GUCY1A2: variants seen among roughly 807,000 people sequenced by gnomAD.
GUCY1A2 encodes the protein guanylate cyclase soluble subunit alpha-2.
A neutral mutation model predicts 63.5 loss-of-function variants in GUCY1A2; 27 were observed. The ratio of observed to expected loss-of-function variants is 0.43; its 90% CI spans 0.31 to 0.59. GUCY1A2 has a LOEUF of 0.59. Among genes scored for constraint, GUCY1A2 ranks in the 20% least tolerant of loss-of-function variants. The pLI, the probability that GUCY1A2 is intolerant of heterozygous loss-of-function variation, is 0.11. For synonymous variants in GUCY1A2, 364 were observed against 343.5 expected (o/e 1.06, Z -0.66); for missense variants, 768 against 913.3 (o/e 0.84, Z 2.05).
At chr11:106,798,391 G>A (rs2135417053) in intron 5 of GUCY1A2, among the ~76,000 whole-genome samples, 1 of 152,154 alleles carries the variant, frequency 6.6e-6, no homozygotes, top group South Asian at 2.1e-4. Flanking sequence ...AGAAAAAGAG[G>A]GAATCCTCCC....
At chr11:106,973,891 G>A (rs1489517645) in intron 3 of GUCY1A2, among the ~76,000 whole-genome samples, 1 of 152,086 alleles carries the variant, frequency 6.6e-6, no homozygotes, top group Non-Finnish European at 1.5e-5. Flanking sequence ...GCTGTTCTAA[G>A]TATGTACTTG....
rs1862378397 is a variant in GUCY1A2, at chr11:106,678,254, A to G, written c.*9295T>C. On this transcript the variant is annotated 3_prime_UTR_variant, in exon 8 of 8. Coordinates refer to ENST00000526355, the MANE Select transcript of GUCY1A2 (RefSeq NM_000855.3). ...TGAGAATACTTTGTAGTCAAAGAAT[A>G]CAAAAGCAATTTATCTGAGAGTCCA... 1 of 202,390 alleles carries G rather than the reference A, an allele frequency of 4.9e-6. No individual in the cohort carries two copies. Among genetic ancestry groups the G allele is most frequent in the African/African-American group, 2.3e-5 (1 of 43,566 alleles). 12.5% of individuals were successfully genotyped at this position (202,390 alleles called of 1,614,324 possible). A position where few individuals can be genotyped will look rare whatever the true frequency, so the allele number is the denominator to read the frequency against.
chr11:106,905,961 T>C (rs925978193), intron 4 of GUCY1A2, among the ~76,000 whole-genome samples: 3 of 152,142 alleles, frequency 2.0e-5, no homozygotes, highest in Admixed American at 6.6e-5. Context: ...ATTAAACACT[T>C]AAACGTAAGA....
chr11:107,014,379 G>A (rs1187065013), intron 1 of GUCY1A2, among the ~76,000 whole-genome samples: 3 of 152,042 alleles, frequency 2.0e-5, no homozygotes, highest in Non-Finnish European at 4.4e-5. Flanking sequence ...GAGCCACCAC[G>A]CCTGGCCCAT....
intron 4 of GUCY1A2, among the ~76,000 whole-genome samples, chr11:106,893,965 C>A (rs1302465889): frequency 6.6e-6 from 1 of 152,164 alleles, no homozygotes; most frequent in Non-Finnish European, 1.5e-5. Context: ...TTATGATTCC[C>A]ACAAGGGAAG....
At chr11:106,966,127 A>G (rs1861124110) in intron 3 of GUCY1A2, among the ~76,000 whole-genome samples, 1 of 151,652 alleles carries the variant, frequency 6.6e-6, no homozygotes, top group South Asian at 2.1e-4. Context: ...TGTTTTTTTG[A>G]GACAGAGTCT....
At chr11:106,924,139 A>T (rs1255260925) in intron 4 of GUCY1A2, among the ~76,000 whole-genome samples, 2 of 152,208 alleles carry the variant, frequency 1.3e-5, no homozygotes, top group Non-Finnish European at 1.5e-5. Flanking sequence ...ATTTTTAAAA[A>T]TTACAAATTG....
chr11:106,693,020 G>C (rs1274025395), intron 7 of GUCY1A2, among the ~76,000 whole-genome samples: 2 of 152,182 alleles, frequency 1.3e-5, no homozygotes, highest in Non-Finnish European at 2.9e-5. Flanking sequence ...CAACTGGAAA[G>C]ATCTGTGTAA....
At chr11:106,709,349 T>G in intron 6 of GUCY1A2, among the ~76,000 whole-genome samples, 1 of 89,778 alleles carries the variant, frequency 1.1e-5, no homozygotes, top group African/African-American at 4.6e-5. Context: ...TATAAATTTA[T>G]ATATTTTATA....
chr11:106,967,160 T>C (rs897415982), intron 3 of GUCY1A2, among the ~76,000 whole-genome samples: 3 of 152,200 alleles, frequency 2.0e-5, no homozygotes, highest in Non-Finnish European at 4.4e-5. Context: ...CATTTGTCAC[T>C]GTTCTGCTTG....
In GUCY1A2 at chr11:106,701,932, G is replaced by GTAAT. The variant is rs945085120; in HGVS notation, c.1991+6576_1991+6579dup. 9.9e-5 allele frequency among the ~76,000 whole-genome samples: 15 copies of GTAAT among 152,084 alleles called. No homozygotes were observed. In the East Asian group the frequency reaches 2.1e-3, roughly 22 times the overall value. ...ATGTGTCAGCTAAAAAATTTAAAAA[G>GTAAT]TAATTATTGTTTTTTTCCATGTTAT... On this transcript the variant is annotated intron_variant, in intron 7 of 7. Coordinates refer to ENST00000526355, the MANE Select transcript of GUCY1A2 (RefSeq NM_000855.3).
intron 6 of GUCY1A2, among the ~76,000 whole-genome samples, chr11:106,729,879 T>G (rs1379053478): frequency 1.3e-5 from 2 of 151,594 alleles, no homozygotes; most frequent in Non-Finnish European, 2.9e-5. Context: ...CTCTCTTGAT[T>G]GTAATCTTCT....
intron 5 of GUCY1A2, among the ~76,000 whole-genome samples, chr11:106,797,161 T>G (rs569864545): frequency 6.6e-6 from 1 of 152,136 alleles, no homozygotes; most frequent in African/African-American, 2.4e-5. Context: ...ATGGTTATTC[T>G]AGTTAGCCAT....
intron 4 of GUCY1A2, among the ~76,000 whole-genome samples, chr11:106,923,585 A>ATT (rs5794505): frequency 2.0e-5 from 3 of 151,998 alleles, no homozygotes; most frequent in South Asian, 2.1e-4. Flanking sequence ...TATTGCAGCA[A>ATT]TTTTTTTTAA....
rs1488334835 is a variant in GUCY1A2 at position 106,679,599 on chromosome 11, C to T, written c.*7950G>A. 4 of 208,170 alleles carry T rather than the reference C, an allele frequency of 1.9e-5. No homozygotes were observed. The East Asian group carries it at 2.9e-4, about 15-fold the overall frequency. The allele number at this position is 208,170 out of a possible 1,614,324, so 12.9% of individuals were successfully genotyped here. A position where few individuals can be genotyped will look rare whatever the true frequency, so the allele number is the denominator to read the frequency against. ...AAATGTTTTTAAATGATTCATAAGA[C>T]AAAAGTATATTCTTCTCACTGAATG... On this transcript the variant is annotated 3_prime_UTR_variant, in exon 8 of 8. Transcript: ENST00000526355.
rs1863166606 is a variant in GUCY1A2 at position 106,713,754 on chromosome 11, C to T, written c.1837-5088G>A. Among the ~76,000 whole-genome samples, 4 of 151,982 alleles carry T rather than the reference C, an allele frequency of 2.6e-5. No individual in the cohort carries two copies. The South Asian group carries it at 6.2e-4, about 24-fold the overall frequency. On this transcript the variant is annotated intron_variant, in intron 6 of 7. Coordinates refer to ENST00000526355, the MANE Select transcript of GUCY1A2 (RefSeq NM_000855.3). Reference sequence around the variant, plus strand: ...ATCTCCTGACCTTGTGATCTGCCCTCCTCGACCTCCCAAAGTGCTGGGATT... The same window carrying T: ...ATCTCCTGACCTTGTGATCTGCCCTTCTCGACCTCCCAAAGTGCTGGGATT...
At chr11:107,010,465 G>A (rs1240136139) in intron 1 of GUCY1A2, among the ~76,000 whole-genome samples, 4 of 152,118 alleles carry the variant, frequency 2.6e-5, no homozygotes, top group Non-Finnish European at 4.4e-5. Flanking sequence ...ATAAATGGAC[G>A]ACTCAAAGAG....
At position 106,939,933 on chromosome 11, in the gene GUCY1A2, T is replaced by G; in HGVS notation, c.733A>C (p.Ile245Leu). ...LMLHYFHPHH[I>L]VGFAMLGMIK... The stretch of plus-strand genomic sequence containing the variant: ...ATCCCCAGCATTGCAAACCCCACAA[T>G]ATGGTGAGGGTGGAAGTAGTGGAGC... The change falls in exon 4 of 8, where the codon ATT (isoleucine) becomes CTT (leucine). Residue 245 changes from isoleucine (I) to leucine (L), a missense_variant. Ile to Leu is a conservative substitution (Grantham distance 5, BLOSUM62 2). Around this residue, in one of 3 missense-constraint regions of GUCY1A2, gnomAD observed 496 missense variants for 486.9 expected, o/e 1.02. Coordinates refer to ENST00000526355, the MANE Select transcript of GUCY1A2 (RefSeq NM_000855.3). The G allele has an allele frequency of 6.2e-7, 1 of 1,613,650 alleles. No homozygotes were observed. The highest frequency in any genetic ancestry group is 8.5e-7 in the Non-Finnish European group (1 of 1,179,718).
At position 106,687,622 on chromosome 11, in the gene GUCY1A2, G is replaced by A; in HGVS notation, c.2126C>T (p.Ser709Phe). 6.2e-7 allele frequency: 1 copy of A among 1,614,066 alleles called. No homozygotes were observed. The highest frequency in any genetic ancestry group is 8.5e-7 in the Non-Finnish European group (1 of 1,179,936). The stretch of plus-strand genomic sequence containing the variant: ...CTTTTTTATTCTCGACGAAGAAAGA[G>A]AAGGCTTTGGTGGCTTTGGACCAGT... ...VRTGPKPPKPSLSSSRIKKVS... is the reference protein window; with the variant it reads ...VRTGPKPPKPFLSSSRIKKVS... Residue 709 changes from serine to phenylalanine, a missense_variant, in exon 8 of 8, where the codon TCT (serine) becomes TTT (phenylalanine). Coordinates refer to ENST00000526355, the MANE Select transcript of GUCY1A2 (RefSeq NM_000855.3).
Sources: gnomAD v4.1 joint callset for allele counts (sites outside exome capture counted in the v4.1 genomes callset) on GRCh38, gnomAD v4.1.1 for gene constraint, gnomAD v4.1.1 regional missense constraint, MANE v1.5 for transcripts, NCBI Gene and HGNC (gene_info 2026-07-23, HGNC 2026-07-21) for gene names.